Variants in PDE1A observed in about 807,000 individuals in gnomAD.
The protein encoded by PDE1A is dual specificity calcium/calmodulin-dependent 3',5'-cyclic nucleotide phosphodiesterase 1A.
PDE1A carries 35 observed loss-of-function variants against 61.7 expected under a neutral mutation model. That is an observed-to-expected ratio of 0.57 (90% CI 0.43 to 0.75). The LOEUF is 0.75. Ranked by LOEUF, PDE1A falls within the 30% of genes least tolerant of loss-of-function variation. The pLI, the probability that PDE1A is intolerant of heterozygous loss-of-function variation, is 0.00. For synonymous variants in PDE1A, 232 were observed against 213.2 expected (o/e 1.09, Z -0.77); for missense variants, 597 against 630.6 (o/e 0.95, Z 0.57).
chr2:182,426,743 GT>G lies in PDE1A; in HGVS notation c.-114del. 6.4e-7 allele frequency: 1 copy of G among 1,556,556 alleles called. No individual in the cohort carries two copies. Among genetic ancestry groups the G allele is most frequent in the Non-Finnish European group, 8.7e-7 (1 of 1,155,824 alleles). ...GCAAGGAGCCCAGAAAGAAAAAGTAGTTTCCTCTTTCTCTTTTTGGGTGCTG... is the reference window on the plus strand; with the variant it reads ...GCAAGGAGCCCAGAAAGAAAAAGTAGTTCCTCTTTCTCTTTTTGGGTGCTG... On this transcript the variant is annotated 5_prime_UTR_variant, in exon 1 of 14. The change abolishes the stop of an existing upstream ORF in the 5' untranslated region. Transcript: ENST00000351439.
chr2:182,655,762 C>T, the PDE1A span, among the ~76,000 whole-genome samples: 1 of 152,174 alleles, frequency 6.6e-6, no homozygotes, highest in South Asian at 2.1e-4. Context: ...ATAAAGGGTT[C>T]AAAATTCTCT....
the PDE1A span, among the ~76,000 whole-genome samples, chr2:182,564,626 T>C: frequency 1.3e-5 from 2 of 152,310 alleles, no homozygotes; most frequent in South Asian, 2.1e-4. Context: ...GAAGTTCTCC[T>C]GGATAATATA....
the PDE1A span, among the ~76,000 whole-genome samples, chr2:182,689,394 A>G: frequency 6.6e-6 from 1 of 152,206 alleles, no homozygotes; most frequent in Non-Finnish European, 1.5e-5. Context: ...CCGCTCAACT[A>G]CATGGAAACT....
At chr2:182,296,497 T>G (rs1188573563) in intron 1 of PDE1A, among the ~76,000 whole-genome samples, 2 of 152,224 alleles carry the variant, frequency 1.3e-5, no homozygotes, top group African/African-American at 4.8e-5. Context: ...GATACAGATA[T>G]AGGTATAGAT....
intron 7 of PDE1A, among the ~76,000 whole-genome samples, chr2:182,212,721 T>C (rs1687744704): frequency 6.6e-6 from 1 of 152,022 alleles, no homozygotes; most frequent in Admixed American, 6.5e-5. Context: ...GCTTAAAAAA[T>C]GGCGCACCAC....
chr2:182,692,672 A>C, the PDE1A span, among the ~76,000 whole-genome samples: 1 of 147,790 alleles, frequency 6.8e-6, no homozygotes, highest in Non-Finnish European at 1.5e-5. Context: ...GTATAATAAA[A>C]ATATATATAT....
the PDE1A span, among the ~76,000 whole-genome samples, chr2:182,708,994 G>A: frequency 2.0e-4 from 31 of 152,194 alleles, no homozygotes; most frequent in South Asian, 5.0e-3. Flanking sequence ...AAAAAAACAG[G>A]AACCACAGAT....
chr2:182,565,875 G>T, the PDE1A span, among the ~76,000 whole-genome samples: 2 of 151,840 alleles, frequency 1.3e-5, no homozygotes, highest in Non-Finnish European at 2.9e-5. Flanking sequence ...TCCACTCTTC[G>T]TAGAAATTAT....
At chr2:182,621,351 C>T in the PDE1A span, among the ~76,000 whole-genome samples, 7 of 152,172 alleles carry the variant, frequency 4.6e-5, no homozygotes, top group Admixed American at 1.3e-4. Context: ...GGAAGAATTA[C>T]TTTCTCTATC....
chr2:182,186,007 A>G, exon 13 of PDE1A: 2 of 1,614,120 alleles, frequency 1.2e-6, no homozygotes, highest in Non-Finnish European at 1.7e-6. Flanking sequence ...AATAGGACCC[A>G]TCACTCATGG....
At chr2:182,158,979 A>G (rs943853197) in intron 13 of PDE1A, among the ~76,000 whole-genome samples, 4 of 152,230 alleles carry the variant, frequency 2.6e-5, no homozygotes, top group African/African-American at 9.6e-5. Context: ...CCTATCATTA[A>G]CAAGAGAAAG....
chr2:182,704,513 A>T, the PDE1A span, among the ~76,000 whole-genome samples: 1 of 152,196 alleles, frequency 6.6e-6, no homozygotes, highest in African/African-American at 2.4e-5. Context: ...TCAAAGTAAG[A>T]ATTTTCTTTG....
At chr2:182,534,946 T>C in the PDE1A span, among the ~76,000 whole-genome samples, 1 of 152,082 alleles carries the variant, frequency 6.6e-6, no homozygotes, top group Non-Finnish European at 1.5e-5. Flanking sequence ...TTACATGAAA[T>C]TTACCTGTGT....
In PDE1A at chr2:182,502,450, T is replaced by C. The variant is rs540000363; in HGVS notation, c.101+19826A>G. Among the ~76,000 whole-genome samples, 6 of 152,308 alleles carry C rather than the reference T, an allele frequency of 3.9e-5. No homozygotes were observed. The South Asian group carries it at 1.2e-3, about 32-fold the overall frequency. ...GAGCCCTCGATCCTCTTCTCACTTATACCAACTTTCACTCCCTGAACGTTC... is the reference window on the plus strand; with the variant it reads ...GAGCCCTCGATCCTCTTCTCACTTACACCAACTTTCACTCCCTGAACGTTC... On this transcript the variant is annotated intron_variant, in intron 2 of 14. Transcript: ENST00000410103.
At chr2:182,310,557 T>C (rs1033806416) in intron 1 of PDE1A, among the ~76,000 whole-genome samples, 1 of 152,214 alleles carries the variant, frequency 6.6e-6, no homozygotes, top group Admixed American at 6.5e-5. Context: ...CAGTATATCT[T>C]TGAGTGGTAG....
Position 182,480,449 on chromosome 2 carries a change from C to G in PDE1A, c.101+41827G>C, listed in dbSNP as rs181065709. Among the ~76,000 whole-genome samples, 70 of 152,042 alleles carry G rather than the reference C, an allele frequency of 4.6e-4. 2 individuals carry two copies. In the East Asian group the frequency reaches 0.012, roughly 27 times the overall value. On this transcript the variant is annotated intron_variant, in intron 2 of 14. Transcript: ENST00000410103. ...TGGTCAGTTAACAGAACCAGAAATA[C>G]AGTCGGCCTACTGTATCTCTGGGTT...
chr2:182,561,406 T>C, the PDE1A span, among the ~76,000 whole-genome samples: 1 of 152,108 alleles, frequency 6.6e-6, no homozygotes, highest in African/African-American at 2.4e-5. Flanking sequence ...TTCTGTTCCA[T>C]TGATCTATAT....
At chr2:182,287,814 A>G (rs1694264545) in intron 1 of PDE1A, among the ~76,000 whole-genome samples, 1 of 152,162 alleles carries the variant, frequency 6.6e-6, no homozygotes, top group Admixed American at 6.6e-5. Context: ...GTCTGATGGT[A>G]GACAATACAT....
chr2:182,219,783 A>C (rs560284242), intron 7 of PDE1A, among the ~76,000 whole-genome samples: 8 of 152,198 alleles, frequency 5.3e-5, no homozygotes, highest in Non-Finnish European at 1.0e-4. Context: ...AAAAGTTCCC[A>C]CTAAAACAAC....
Sources: gnomAD v4.1 joint callset for allele counts (sites outside exome capture counted in the v4.1 genomes callset) on GRCh38, gnomAD v4.1.1 for gene constraint, MANE v1.5 for transcripts, NCBI Gene and HGNC (gene_info 2026-07-23, HGNC 2026-07-21) for gene names.